The following KHDRBS2 variants were observed in gnomAD, a reference collection of about 807,000 sequenced individuals.
KHDRBS2 encodes the protein KH domain-containing, RNA-binding, signal transduction-associated protein 2.
In KHDRBS2, 26 loss-of-function variants were observed where a neutral mutation model predicts 44.3. The ratio of observed to expected loss-of-function variants is 0.59; its 90% confidence interval spans 0.43 to 0.81. The LOEUF is 0.81. KHDRBS2 is among the 40% of genes least tolerant of loss of function. The pLI, the probability that KHDRBS2 is intolerant of heterozygous loss-of-function variation, is 0.00. For missense variants in KHDRBS2, 476 were observed against 433.1 expected (o/e 1.10, Z -0.88); for synonymous variants, 194 against 151.1 (o/e 1.28, Z -2.08).
chr6:62,066,531 G>C (rs148783151), intron 2 of KHDRBS2, among the ~76,000 whole-genome samples: 94 of 151,738 alleles, frequency 6.2e-4, no homozygotes, highest in African/African-American at 2.2e-3. Flanking sequence ...CTAAGTAAAT[G>C]TTTTGTTTAA....
At chr6:61,685,437 A>G (rs899556087) in intron 8 of KHDRBS2, among the ~76,000 whole-genome samples, 9 of 151,896 alleles carry the variant, frequency 5.9e-5, no homozygotes, top group African/African-American at 2.2e-4. Flanking sequence ...GTTTCAAACC[A>G]ATTATGCAAA....
chr6:61,977,436 A>G lies in KHDRBS2; in HGVS notation c.483+630T>C, dbSNP rs550406419. Reference sequence around the variant, plus strand: ...TCAGTAGAGAATTCTACCAGTATGCAACCCTGAATTTGTTGCCCTACTAAA... The same window carrying G: ...TCAGTAGAGAATTCTACCAGTATGCGACCCTGAATTTGTTGCCCTACTAAA... On this transcript the variant is annotated intron_variant, in intron 4 of 8. Transcript: ENST00000281156. Among the ~76,000 whole-genome samples the G allele has an allele frequency of 3.9e-5, 6 of 152,274 alleles. No individual in the cohort carries two copies. The South Asian group carries it at 1.0e-3, about 26-fold the overall frequency.
Position 61,732,763 on chromosome 6 carries a change from C to A in KHDRBS2, c.812G>T (p.Gly271Val), listed in dbSNP as rs779395142. ...PPAHEAYEEY[G>V]YDDGYGGEYD... ...TTCACCCCCGTAGCCATCATCATAACCCTGAGACAAAAAAATGGTAGAAAC... is the reference window on the plus strand; with the variant it reads ...TTCACCCCCGTAGCCATCATCATAAACCTGAGACAAAAAAATGGTAGAAAC... Residue 271 changes from glycine (G) to valine (V), a missense_variant and splice_region_variant, in exon 7 of 9, where the codon GGT (glycine) becomes GTT (valine). Transcript: ENST00000281156. 2 of 1,585,530 alleles carry A rather than the reference C, an allele frequency of 1.3e-6. No homozygotes were observed. Among genetic ancestry groups the A allele is most frequent in the Non-Finnish European group, 1.7e-6 (2 of 1,154,690 alleles).
At chr6:62,066,889 G>C (rs73758645) in intron 2 of KHDRBS2, among the ~76,000 whole-genome samples, 3,723 of 151,556 alleles carry the variant, frequency 0.025, 163 homozygotes, top group African/African-American at 0.084. Context: ...ATTAACTATA[G>C]TGTTGTTTAT....
chr6:61,945,139 A>G lies in KHDRBS2; in HGVS notation c.483+32927T>C, dbSNP rs866969536. Among the ~76,000 whole-genome samples, 404 of 108,398 alleles carry G rather than the reference A, an allele frequency of 3.7e-3. 41 individuals are homozygous for G. Among genetic ancestry groups the G allele is most frequent in the African/African-American group, 9.4e-3 (281 of 29,796 alleles). 71.1% of individuals were successfully genotyped at this position (108,398 alleles called of 152,430 possible). On this transcript the variant is annotated intron_variant, in intron 4 of 8. Coordinates refer to ENST00000281156, the MANE Select transcript of KHDRBS2 (RefSeq NM_152688.4). ...TATATATATATATATATATATATAT[A>G]TATATATATATACACACAGACTTGT...
chr6:61,957,474 G>A (rs367946630), intron 4 of KHDRBS2, among the ~76,000 whole-genome samples: 7 of 151,396 alleles, frequency 4.6e-5, no homozygotes, highest in African/African-American at 7.3e-5. Flanking sequence ...AAGAGAATGC[G>A]TCCCTGAGGG....
At chr6:61,791,577 T>C (rs1054483037) in intron 6 of KHDRBS2, among the ~76,000 whole-genome samples, 2 of 151,562 alleles carry the variant, frequency 1.3e-5, no homozygotes, top group African/African-American at 4.8e-5. Flanking sequence ...AAATAGGATG[T>C]ATTTGTTTTA....
At chr6:62,067,871 G>T (rs570853233) in intron 2 of KHDRBS2, among the ~76,000 whole-genome samples, 1 of 151,514 alleles carries the variant, frequency 6.6e-6, no homozygotes, top group African/African-American at 2.4e-5. Flanking sequence ...TGTCTTTTAG[G>T]TTCATACATG....
At chr6:61,773,416 T>G (rs1213590866) in intron 6 of KHDRBS2, among the ~76,000 whole-genome samples, 1 of 151,186 alleles carries the variant, frequency 6.6e-6, no homozygotes, top group Non-Finnish European at 1.5e-5. Flanking sequence ...TTTTCATGTG[T>G]TTTTTTGGCT....
At chr6:62,246,136 A>ATATATATATATAT (rs1563129377) in intron 1 of KHDRBS2, among the ~76,000 whole-genome samples, 15 of 139,094 alleles carry the variant, frequency 1.1e-4, no homozygotes, top group South Asian at 2.5e-4. Flanking sequence ...ATATATATAT[A>ATATATATATATAT]ATCAATGTTA....
At chr6:62,026,301 C>T (rs945742143) in intron 3 of KHDRBS2, among the ~76,000 whole-genome samples, 3 of 151,576 alleles carry the variant, frequency 2.0e-5, no homozygotes, top group African/African-American at 7.3e-5. Flanking sequence ...GTGAATTGCT[C>T]ATAAAAAAAC....
intron 6 of KHDRBS2, among the ~76,000 whole-genome samples, chr6:61,801,713 C>A (rs1786314647): frequency 6.6e-6 from 1 of 152,128 alleles, no homozygotes; most frequent in Non-Finnish European, 1.5e-5. Context: ...AGGTTTGTTA[C>A]AATGGCTTTA....
intron 6 of KHDRBS2, among the ~76,000 whole-genome samples, chr6:61,869,241 C>A (rs1304447183): frequency 6.6e-6 from 1 of 152,174 alleles, no homozygotes; most frequent in African/African-American, 2.4e-5. Flanking sequence ...TCATCCCTCT[C>A]TGTATATGCC....
chr6:62,275,350 T>C (rs1023380671), intron 1 of KHDRBS2, among the ~76,000 whole-genome samples: 2 of 152,098 alleles, frequency 1.3e-5, no homozygotes, highest in Non-Finnish European at 2.9e-5. Flanking sequence ...TTCCACAAGG[T>C]CTTGGATGGA....
In KHDRBS2 at chr6:61,814,238, T is replaced by C. The variant is rs9453112; in HGVS notation, c.810+80397A>G. ...TTTGAGCTGCTGCTCTCTTCTATTT[T>C]AGTATTATGTTATAATTCATTATGA... On this transcript the variant is annotated intron_variant, in intron 6 of 8. Transcript: ENST00000281156. 4.2e-3 allele frequency among the ~76,000 whole-genome samples: 638 copies of C among 152,298 alleles called. 8 individuals are homozygous for C. Among genetic ancestry groups the C allele is most frequent in the African/African-American group, 0.015 (615 of 41,562 alleles).
At chr6:62,066,214 T>A (rs1450143863) in intron 2 of KHDRBS2, among the ~76,000 whole-genome samples, 2 of 151,768 alleles carry the variant, frequency 1.3e-5, no homozygotes, top group Non-Finnish European at 2.9e-5. Flanking sequence ...AACCCTATTT[T>A]TTCAGCCTAT....
At chr6:61,729,176 A>G (rs1315593027) in intron 7 of KHDRBS2, among the ~76,000 whole-genome samples, 2 of 152,182 alleles carry the variant, frequency 1.3e-5, no homozygotes, top group African/African-American at 4.8e-5. Context: ...TGTCCTTTGT[A>G]GGCACATGGA....
chr6:61,589,909 C>G, the KHDRBS2 span, among the ~76,000 whole-genome samples: 2 of 152,098 alleles, frequency 1.3e-5, no homozygotes, highest in Non-Finnish European at 2.9e-5. Flanking sequence ...AGGAGGCAAC[C>G]TTATGATATA....
chr6:61,938,200 T>C (rs528158802), intron 4 of KHDRBS2, among the ~76,000 whole-genome samples: 1 of 152,200 alleles, frequency 6.6e-6, no homozygotes, highest in East Asian at 1.9e-4. Context: ...AGAAAACACA[T>C]TTTTCAAAAA....
Sources: allele counts gnomAD v4.1 joint callset (sites outside exome capture counted in the v4.1 genomes callset), GRCh38; gene constraint gnomAD v4.1.1; transcripts MANE v1.5; gene names NCBI Gene and HGNC (gene_info 2026-07-23, HGNC 2026-07-21).